Variants in PACS1 observed in about 807,000 individuals in gnomAD.
The protein encoded by PACS1 is PACS-1.
Under a neutral mutation model 115.0 loss-of-function variants are expected in PACS1, and 24 were observed. That is an observed-to-expected ratio of 0.21 (90% CI 0.15 to 0.29). The LOEUF is 0.29. Ranked by LOEUF, PACS1 falls within the 10% of genes least tolerant of loss-of-function variation. PACS1 has a pLI of 1.00. For synonymous variants in PACS1, 453 were observed against 504.5 expected (o/e 0.90, Z 1.37); for missense variants, 838 against 1,251.2 (o/e 0.67, Z 4.98).
At chr11:66,229,823 G>A (rs1284203734) in intron 11 of PACS1, among the ~76,000 whole-genome samples, 2 of 152,178 alleles carry the variant, frequency 1.3e-5, no homozygotes, top group Non-Finnish European at 2.9e-5. Context: ...GCACATGCTT[G>A]TAATCCCAGC....
At chr11:66,100,986 G>A in intron 1 of PACS1, 1 of 442,902 alleles carries the variant, frequency 2.3e-6, no homozygotes, top group Non-Finnish European at 4.6e-6. Flanking sequence ...CATTTCTACT[G>A]CATTCTGCTG....
intron 1 of PACS1, among the ~76,000 whole-genome samples, chr11:66,091,299 C>CA (rs145604623): frequency 0.17 from 26,308 of 151,956 alleles, 2,811 homozygotes; most frequent in Admixed American, 0.3. Flanking sequence ...TGCCACCACA[C>CA]CAAGCTAATT....
rs181935204 is a variant in PACS1 at position 66,197,227 on chromosome 11, G to A, written c.444+3654G>A. Among the ~76,000 whole-genome samples the A allele has an allele frequency of 9.3e-4, 142 of 152,122 alleles. 1 individual carries two copies. Among genetic ancestry groups the A allele is most frequent in the Non-Finnish European group, 4.4e-5 (3 of 68,012 alleles). ...AAAGAGTTCCTGTATACCCCACCCA[G>A]CTTCTCCCAACACTAATATCTCTCT... On this transcript the variant is annotated intron_variant, in intron 2 of 23. Coordinates refer to ENST00000320580, the MANE Select transcript of PACS1 (RefSeq NM_018026.4).
chr11:66,073,150 C>T (rs1289791126), intron 1 of PACS1, among the ~76,000 whole-genome samples: 1 of 152,226 alleles, frequency 6.6e-6, no homozygotes, highest in South Asian at 2.1e-4. Flanking sequence ...TGTACCTCCT[C>T]ACTCCTTGTG....
chr11:66,152,354 G>A (rs1291915437), intron 1 of PACS1, among the ~76,000 whole-genome samples: 2 of 152,208 alleles, frequency 1.3e-5, no homozygotes, highest in South Asian at 2.1e-4. Flanking sequence ...AAAGATTGAA[G>A]AAAAGTGAGT....
intron 2 of PACS1, among the ~76,000 whole-genome samples, chr11:66,202,742 A>AATATATATATATATATATAT (rs56203680): frequency 5.6e-5 from 4 of 71,602 alleles, no homozygotes; most frequent in Admixed American, 1.8e-4. Flanking sequence ...AAAAAAAAAA[A>AATATATATATATATATATAT]ATATATATAT....
chr11:66,133,420 T>G (rs546378623), intron 1 of PACS1, among the ~76,000 whole-genome samples: 1 of 152,336 alleles, frequency 6.6e-6, no homozygotes, highest in African/African-American at 2.4e-5. Context: ...TGTGCACAGA[T>G]GCTTGGGGCA....
Position 66,233,687 on chromosome 11 carries a change from T to G in PACS1, c.1839-98T>G, listed in dbSNP as rs1372590248. 6 of 1,191,854 alleles carry G rather than the reference T, an allele frequency of 5.0e-6. No homozygotes were observed. The African/African-American group carries it at 6.1e-5, about 12-fold the overall frequency. 73.8% of individuals were successfully genotyped at this position (1,191,854 alleles called of 1,614,324 possible). ...TTTGTGGATTGGTTTGCTTTTCCCC[T>G]GTGGGTTGTTGAGATCACAGAAAGT... is the stretch of plus-strand genomic sequence containing the variant. On this transcript the variant is annotated intron_variant, in intron 15 of 23. Coordinates refer to ENST00000320580, the MANE Select transcript of PACS1 (RefSeq NM_018026.4). The surrounding 1 kb of genome is among the most constrained non-coding windows in gnomAD (Gnocchi z 4.5).
chr11:66,121,079 G>A (rs181011886), intron 1 of PACS1: 388 of 456,056 alleles, frequency 8.5e-4, no homozygotes, highest in African/African-American at 7.0e-3. Context: ...TAAGTCTGTC[G>A]GCACTGTTTT....
At chr11:66,100,546 A>G (rs1857893596) in intron 1 of PACS1, among the ~76,000 whole-genome samples, 2 of 152,226 alleles carry the variant, frequency 1.3e-5, no homozygotes, top group Admixed American at 6.5e-5. Flanking sequence ...TTACTCTGCA[A>G]AATCATAAGT....
intron 1 of PACS1, among the ~76,000 whole-genome samples, chr11:66,108,854 C>T (rs964639714): frequency 6.6e-6 from 1 of 151,988 alleles, no homozygotes; most frequent in African/African-American, 2.4e-5. Context: ...GTCTGTAGTC[C>T]TAGCTACTTG....
At chr11:66,162,797 C>T (rs954658415) in intron 1 of PACS1, among the ~76,000 whole-genome samples, 8 of 152,136 alleles carry the variant, frequency 5.3e-5, no homozygotes, top group African/African-American at 1.7e-4. Flanking sequence ...AAGACTAATG[C>T]GTCTATTATG....
rs200193334 is a variant in PACS1, at chr11:66,232,292, G to A, written c.1731+16G>A. ...GCAGGGCCAGGTAAGTGCTGAAACT[G>A]CGAGGCCATGTGGGGTCCTGGAGGG... On this transcript the variant is annotated intron_variant, in intron 14 of 23. Transcript: ENST00000320580. The A allele has an allele frequency of 1.3e-6, 2 of 1,493,988 alleles. No homozygotes were observed. Among genetic ancestry groups the A allele is most frequent in the East Asian group, 2.3e-5 (1 of 44,298 alleles). 92.5% of individuals were successfully genotyped at this position (1,493,988 alleles called of 1,614,324 possible). A position where few individuals can be genotyped will look rare whatever the true frequency, so the allele number is the denominator to read the frequency against.
At chr11:66,107,094 C>A (rs760200056) in intron 1 of PACS1, among the ~76,000 whole-genome samples, 2 of 152,178 alleles carry the variant, frequency 1.3e-5, no homozygotes, top group African/African-American at 2.4e-5. Flanking sequence ...TCATTTCATT[C>A]AAATGCCATT....
chr11:66,163,350 CAAAAAAAAAA>C (rs1231541629), intron 1 of PACS1, among the ~76,000 whole-genome samples: 1 of 58,018 alleles, frequency 1.7e-5, no homozygotes, highest in South Asian at 6.4e-4. Context: ...GACCCTGTCT[CAAAAAAAAAA>C]AAAAAAAAAA....
intron 2 of PACS1, among the ~76,000 whole-genome samples, chr11:66,205,457 A>C (rs1447982295): frequency 3.9e-5 from 6 of 151,938 alleles, no homozygotes; most frequent in Non-Finnish European, 8.8e-5. Flanking sequence ...GGCGATGGAT[A>C]CCCAATATAA....
intron 1 of PACS1, among the ~76,000 whole-genome samples, chr11:66,144,854 CGAA>C (rs1341216655): frequency 1.3e-5 from 2 of 152,138 alleles, no homozygotes; most frequent in African/African-American, 4.8e-5. Context: ...AGGCTGGTCT[CGAA>C]CTCCTGACCT....
At chr11:66,106,320 G>A (rs1005553926) in intron 1 of PACS1, among the ~76,000 whole-genome samples, 2 of 151,934 alleles carry the variant, frequency 1.3e-5, no homozygotes, top group African/African-American at 4.8e-5. Context: ...GCCTGTAATC[G>A]CAGCACTTTG....
intron 1 of PACS1, among the ~76,000 whole-genome samples, chr11:66,173,434 G>A (rs934876599): frequency 9.9e-5 from 15 of 152,146 alleles, no homozygotes; most frequent in South Asian, 2.1e-4. Context: ...TCAGCCGGGC[G>A]CAGTGGCTCA....
Sources: gnomAD v4.1 joint callset for allele counts (sites outside exome capture counted in the v4.1 genomes callset) on GRCh38, gnomAD v4.1.1 for gene constraint, Gnocchi (gnomAD v3.1) non-coding constraint, MANE v1.5 for transcripts, NCBI Gene and HGNC (gene_info 2026-07-23, HGNC 2026-07-21) for gene names.